SMIM35: variants seen among roughly 807,000 people sequenced by gnomAD.
The protein encoded by SMIM35 is TMPRSS4 antisense RNA 1 (non-protein coding).
intron 1 of SMIM35, among the ~76,000 whole-genome samples, chr11:118,064,910 G>A (rs1944447307): frequency 6.6e-6 from 1 of 152,198 alleles, no homozygotes; most frequent in Admixed American, 6.5e-5. Flanking sequence ...GAATTGTGCT[G>A]GGATTACAGG....
At chr11:118,055,528 T>C (rs1027303286) in intron 1 of SMIM35, among the ~76,000 whole-genome samples, 1 of 152,182 alleles carries the variant, frequency 6.6e-6, no homozygotes, top group African/African-American at 2.4e-5. Flanking sequence ...GTGATGTCTT[T>C]TGGTGGGGCA....
intron 4 of SMIM35, among the ~76,000 whole-genome samples, chr11:118,012,205 G>C (rs1338077638): frequency 6.6e-6 from 1 of 152,182 alleles, no homozygotes; most frequent in Non-Finnish European, 1.5e-5. Context: ...GCAGTGACAG[G>C]CTCCCTTCTC....
chr11:118,037,291 T>A (rs1039469063), intron 1 of SMIM35, among the ~76,000 whole-genome samples: 2 of 152,202 alleles, frequency 1.3e-5, no homozygotes, highest in Non-Finnish European at 2.9e-5. Context: ...ATGGACTGCA[T>A]CTGGGGCTCC....
At chr11:118,007,090 C>T (rs895346047) in intron 4 of SMIM35, among the ~76,000 whole-genome samples, 6 of 152,146 alleles carry the variant, frequency 3.9e-5, no homozygotes, top group African/African-American at 1.4e-4. Flanking sequence ...GGTGTCTCCA[C>T]CCACCTCCTT....
chr11:118,040,044 C>CA (rs35273108), intron 1 of SMIM35, among the ~76,000 whole-genome samples: 4,744 of 102,152 alleles, frequency 0.046, 189 homozygotes, highest in East Asian at 0.2. Flanking sequence ...GACCTTATCT[C>CA]AAAAAAAAAA....
chr11:118,069,842 A>T (rs777465594), intron 1 of SMIM35, among the ~76,000 whole-genome samples: 6 of 152,154 alleles, frequency 3.9e-5, no homozygotes, highest in Non-Finnish European at 8.8e-5. Flanking sequence ...CGGGTGGATC[A>T]CCTGAGGTCA....
intron 1 of SMIM35, among the ~76,000 whole-genome samples, chr11:118,051,934 G>A (rs908131489): frequency 9.2e-5 from 14 of 152,186 alleles, no homozygotes; most frequent in African/African-American, 2.9e-4. Context: ...AGAGTGCTAG[G>A]TGTGAGGTCC....
intron 1 of SMIM35, chr11:118,077,262 G>T: frequency 6.3e-7 from 1 of 1,593,390 alleles, no homozygotes; most frequent in Non-Finnish European, 8.5e-7. Flanking sequence ...GACAATCTCA[G>T]CTCCAGGCTA....
At chr11:118,017,411 A>G (rs1591276567) in intron 1 of SMIM35, among the ~76,000 whole-genome samples, 7 of 152,208 alleles carry the variant, frequency 4.6e-5, no homozygotes, top group Admixed American at 4.6e-4. Context: ...TCATGGCATG[A>G]GAGTAACCAA....
chr11:118,019,262 A>C (rs2058207141), intron 1 of SMIM35, among the ~76,000 whole-genome samples: 1 of 152,216 alleles, frequency 6.6e-6, no homozygotes, highest in East Asian at 1.9e-4. Context: ...GAAAACCAAC[A>C]AACCATCTAA....
intron 1 of SMIM35, chr11:118,025,554 G>A (rs1184143537): frequency 2.2e-6 from 1 of 455,118 alleles, no homozygotes; most frequent in Admixed American, 2.4e-5. Context: ...GATGTTGAGA[G>A]CATTTTTTCG....
intron 1 of SMIM35, among the ~76,000 whole-genome samples, chr11:118,028,038 T>G (rs765661747): frequency 3.9e-5 from 6 of 152,238 alleles, no homozygotes; most frequent in Non-Finnish European, 5.9e-5. Context: ...AAGACAATCC[T>G]TTACATCCCC....
chr11:118,064,922 G>A (rs935657278), intron 1 of SMIM35, among the ~76,000 whole-genome samples: 5 of 152,184 alleles, frequency 3.3e-5, no homozygotes, highest in Admixed American at 6.5e-5. Context: ...GATTACAGGC[G>A]TGAGCCACCA....
At chr11:118,064,312 G>A (rs1944435035) in intron 1 of SMIM35, among the ~76,000 whole-genome samples, 1 of 152,110 alleles carries the variant, frequency 6.6e-6, no homozygotes, top group Non-Finnish European at 1.5e-5. Flanking sequence ...TTTTAAATGG[G>A]AGATCAGATA....
chr11:118,066,431 A>G (rs1186427715), intron 1 of SMIM35, among the ~76,000 whole-genome samples: 2 of 152,134 alleles, frequency 1.3e-5, no homozygotes, highest in East Asian at 3.8e-4. Context: ...CTTTCAAAAT[A>G]AAACAAAAAC....
chr11:118,084,067 C>T (rs1388953240), intron 1 of SMIM35, among the ~76,000 whole-genome samples: 1 of 152,146 alleles, frequency 6.6e-6, no homozygotes, highest in Non-Finnish European at 1.5e-5. Context: ...AATTATCGTA[C>T]TCTTACCGTG....
intron 1 of SMIM35, among the ~76,000 whole-genome samples, chr11:118,044,813 A>AAAAC (rs1179723337): frequency 2.8e-5 from 4 of 144,938 alleles, no homozygotes; most frequent in East Asian, 2.0e-4. Context: ...AAAAAAAAAC[A>AAAAC]AAACAAACAA....
chr11:118,073,712 T>C (rs1210821212), intron 1 of SMIM35, among the ~76,000 whole-genome samples: 2 of 152,176 alleles, frequency 1.3e-5, no homozygotes, highest in Non-Finnish European at 2.9e-5. Context: ...CTCTGTGCTG[T>C]GCAAGGCGGG....
chr11:118,029,478 A>G (rs902606973), intron 1 of SMIM35, among the ~76,000 whole-genome samples: 7 of 152,204 alleles, frequency 4.6e-5, no homozygotes, highest in African/African-American at 1.7e-4. Context: ...TGATGTTACA[A>G]TGAGGACTCT....
Sources: allele counts gnomAD v4.1 joint callset (sites outside exome capture counted in the v4.1 genomes callset), GRCh38; gene constraint gnomAD v4.1.1; transcripts MANE v1.5; gene names NCBI Gene and HGNC (gene_info 2026-07-23, HGNC 2026-07-21).